The following HOMEZ variants were observed in gnomAD, a reference collection of about 807,000 sequenced individuals.
HOMEZ encodes homeobox and leucine zipper encoding.
A neutral mutation model predicts 50.1 loss-of-function variants in HOMEZ; 20 were observed. That is an observed-to-expected ratio of 0.40 (90% CI 0.28 to 0.58). The LOEUF (loss-of-function observed/expected upper bound fraction) is 0.58, where lower values mean the gene tolerates loss of function less well. Among genes scored for constraint, HOMEZ ranks in the 20% least tolerant of loss-of-function variants. HOMEZ has a pLI of 0.46. For missense variants in HOMEZ, 579 were observed against 680.5 expected, an observed-to-expected ratio of 0.85 and a Z score of 1.66; for synonymous variants, 239 against 254.7, an observed-to-expected ratio of 0.94 and a Z score of 0.59.
At chr14:23,282,243 C>T (rs1055236240) in intron 1 of HOMEZ, among the ~76,000 whole-genome samples, 12 of 152,016 alleles carry the variant, frequency 7.9e-5, no homozygotes, top group African/African-American at 2.9e-4. Context: ...TTCTAGTTAG[C>T]GATGAGGAAA....
chr14:23,274,078 A>G lies in HOMEZ; in HGVS notation c.*1497T>C, dbSNP rs905461676. The G allele has an allele frequency of 6.6e-6, 1 of 152,572 alleles. No individual in the cohort carries two copies. The highest frequency in any genetic ancestry group is 1.5e-5 in the Non-Finnish European group (1 of 68,016). The allele number at this position is 152,572 out of a possible 1,614,324, so 9.5% of individuals were successfully genotyped here. ...CAATTTTATTTTTGGCCTTTTTATT[A>G]TTATTCTAGCATTTTAGGGCTTCCA... On this transcript the variant is annotated 3_prime_UTR_variant, in exon 2 of 2. Transcript: ENST00000357460.
In HOMEZ at chr14:23,276,037, C is replaced by T. The variant is rs1226285974; in HGVS notation, c.1191G>A (p.Arg397=). Residue 397 remains arginine, a synonymous_variant, in exon 2 of 2, where the codon CGG becomes CGA. Coordinates refer to ENST00000357460, the MANE Select transcript of HOMEZ (RefSeq NM_020834.3). The surrounding 1 kb of genome is among the most constrained non-coding windows in gnomAD (Gnocchi z 4.1). The stretch of plus-strand genomic sequence containing the variant: ...CACCAAACCACTGAATGATCTCAGG[C>T]CGAGGTAAACCAGTGATCTGTTCTA... ...QKLEQITGLP[R]PEIIQWFGDT... 1 of 1,613,814 alleles carries T rather than the reference C, an allele frequency of 6.2e-7. No individual in the cohort carries two copies. The highest frequency in any genetic ancestry group is 8.5e-7 in the Non-Finnish European group (1 of 1,179,798).
At position 23,276,540 on chromosome 14, in the gene HOMEZ, T is replaced by C. The variant is rs775700857; in HGVS notation, c.688A>G (p.Lys230Glu). The change falls in exon 2 of 2, where the codon AAG becomes GAG. Residue 230 changes from lysine to glutamate, a missense_variant. Coordinates refer to ENST00000357460, the MANE Select transcript of HOMEZ (RefSeq NM_020834.3). The surrounding 1 kb of genome is among the most constrained non-coding windows in gnomAD (Gnocchi z 4.1). Reference protein sequence around the residue: ...WQHLQSSGLSKEQAGRGPNQS... With the variant: ...WQHLQSSGLSEEQAGRGPNQS... ...TTGGGACCCCTGCCTGCCTGCTCCTTTGAGAGGCCACTGCTTTGAAGATGT... is the reference window on the plus strand; with the variant it reads ...TTGGGACCCCTGCCTGCCTGCTCCTCTGAGAGGCCACTGCTTTGAAGATGT... 2 of 1,613,862 alleles carry C rather than the reference T, an allele frequency of 1.2e-6. No individual in the cohort carries two copies. Among genetic ancestry groups the C allele is most frequent in the African/African-American group, 2.7e-5 (2 of 74,922 alleles).
rs1321749508 is a variant in HOMEZ, at chr14:23,276,971, G to A, written c.257C>T (p.Ala86Val). The A allele has an allele frequency of 6.2e-7, 1 of 1,614,032 alleles. No individual in the cohort carries two copies. The highest frequency in any genetic ancestry group is 1.7e-5 in the Admixed American group (1 of 60,020). ...YFPYPSLADI[A>V]LLCLRYGLQM... The stretch of plus-strand genomic sequence containing the variant: ...CAACCCATAACGTAGGCAGAGAAGG[G>A]CAATGTCTGCTAGGCTGGGATAGGG... The change falls in exon 2 of 2, where the codon GCC (alanine) becomes GTC (valine). Residue 86 changes from alanine to valine, a missense_variant. Transcript: ENST00000357460. The surrounding 1 kb of genome is among the most constrained non-coding windows in gnomAD (Gnocchi z 4.1).
Position 23,285,978 on chromosome 14 carries a change from G to A in HOMEZ, c.-26C>T. 2.4e-6 allele frequency: 3 copies of A among 1,237,246 alleles called. No individual in the cohort carries two copies. Among genetic ancestry groups the A allele is most frequent in the Non-Finnish European group, 3.0e-6 (3 of 984,378 alleles). The allele number at this position is 1,237,246 out of a possible 1,614,324, so 76.6% of individuals were successfully genotyped here. ...GGGCCGGGGGGAAGTGGGGGAGAGGGCAGGGGGCCTCCGAGTGGGAGTGGG... is the reference window on the plus strand; with the variant it reads ...GGGCCGGGGGGAAGTGGGGGAGAGGACAGGGGGCCTCCGAGTGGGAGTGGG... On this transcript the variant is annotated 5_prime_UTR_variant, in exon 1 of 2. Transcript: ENST00000357460.
chr14:23,277,506 C>A (rs1007067363), intron 1 of HOMEZ, among the ~76,000 whole-genome samples: 3 of 152,128 alleles, frequency 2.0e-5, no homozygotes, highest in African/African-American at 4.8e-5. Context: ...GTAATCCCAG[C>A]ACTTCGGGAG....
intron 1 of HOMEZ, among the ~76,000 whole-genome samples, chr14:23,280,190 A>C (rs975394195): frequency 3.9e-5 from 6 of 152,058 alleles, no homozygotes; most frequent in African/African-American, 1.4e-4. Flanking sequence ...CATGGGTCAG[A>C]GATTGGGGAT....
chr14:23,276,440 G>A lies in HOMEZ; in HGVS notation c.788C>T (p.Pro263Leu), dbSNP rs778435299. The change falls in exon 2 of 2, where the codon CCC becomes CTC. Residue 263 changes from proline to leucine, a missense_variant. By Grantham distance (98) the Pro-to-Leu change is moderately conservative (BLOSUM62 -3). Transcript: ENST00000357460. This position sits in a 1 kb window ranked among gnomAD's most constrained non-coding sequence, Gnocchi z 4.1. The stretch of plus-strand genomic sequence containing the variant: ...ACTGGCAATTAATGCAATTGGTGGG[G>A]GTTTATCCCGAGCTTGTGGCTGGGG... ...TVPQPQARDK[P>L]PPIALIASSC... 34 of 1,613,920 alleles carry A rather than the reference G, an allele frequency of 2.1e-5. No individual in the cohort carries two copies. The Admixed American group carries it at 5.5e-4, about 26-fold the overall frequency.
Position 23,275,840 on chromosome 14 carries a change from A to G in HOMEZ, c.1388T>C (p.Ile463Thr). 1 of 1,600,490 alleles carries G rather than the reference A, an allele frequency of 6.2e-7. No individual in the cohort carries two copies. Among genetic ancestry groups the G allele is most frequent in the Non-Finnish European group, 8.5e-7 (1 of 1,172,280 alleles). ...TGCCCAGTACCTCTCCAAGGGTTGT[A>G]TATCCGGTGGGGGTGGAGGGATCGG... ...PLPIPPPPPDIQPLERYWAAH... is the reference protein window; with the variant it reads ...PLPIPPPPPDTQPLERYWAAH... The change falls in exon 2 of 2, where the codon ATA becomes ACA. Residue 463 changes from isoleucine to threonine, a missense_variant. Coordinates refer to ENST00000357460, the MANE Select transcript of HOMEZ (RefSeq NM_020834.3).
chr14:23,280,740 A>ATATT (rs1555323621), intron 1 of HOMEZ, among the ~76,000 whole-genome samples: 1 of 41,264 alleles, frequency 2.4e-5, no homozygotes, highest in African/African-American at 7.9e-5. Context: ...ATTTTATTTT[A>ATATT]TTATTTTATT....
chr14:23,272,894 C>A lies in HOMEZ; in HGVS notation c.*2681G>T, dbSNP rs1019673141. The A allele has an allele frequency of 1.3e-6, 2 of 1,514,694 alleles. No individual in the cohort carries two copies. The highest frequency in any genetic ancestry group is 2.4e-5 in the South Asian group (2 of 81,762). 93.8% of individuals were successfully genotyped at this position (1,514,694 alleles called of 1,614,324 possible). ...AAGCATGGACCACTTCTAGATAGAT[C>A]ATCTTCAAGATCTGATCTATACATG... On this transcript the variant is annotated 3_prime_UTR_variant, in exon 2 of 2. Coordinates refer to ENST00000357460, the MANE Select transcript of HOMEZ (RefSeq NM_020834.3).
intron 1 of HOMEZ, among the ~76,000 whole-genome samples, chr14:23,278,020 G>C (rs1361408783): frequency 6.6e-6 from 1 of 151,972 alleles, no homozygotes; most frequent in Non-Finnish European, 1.5e-5. Flanking sequence ...GTAGAGATGG[G>C]GTTTCACCGT....
Position 23,285,967 on chromosome 14 carries a change from TG to T in HOMEZ, c.-16del, listed in dbSNP as rs1436726725. The T allele has an allele frequency of 8.2e-7, 1 of 1,220,200 alleles. No individual in the cohort carries two copies. 75.6% of individuals were successfully genotyped at this position (1,220,200 alleles called of 1,614,324 possible). On this transcript the variant is annotated 5_prime_UTR_variant, in exon 1 of 2. Coordinates refer to ENST00000357460, the MANE Select transcript of HOMEZ (RefSeq NM_020834.3). ...CCTCGCACCATGGGCCGGGGGGAAG[TG>T]GGGGAGAGGGCAGGGGGCCTCCGAG... is the stretch of plus-strand genomic sequence containing the variant.
At chr14:23,284,563 A>G (rs763065460) in intron 1 of HOMEZ, among the ~76,000 whole-genome samples, 1 of 152,246 alleles carries the variant, frequency 6.6e-6, no homozygotes, top group Non-Finnish European at 1.5e-5. Flanking sequence ...TTCAGTGTCT[A>G]TATAATAATG....
At position 23,272,552 on chromosome 14, in the gene HOMEZ, C is replaced by A; in HGVS notation, c.*3023G>T. On this transcript the variant is annotated 3_prime_UTR_variant, in exon 2 of 2. Coordinates refer to ENST00000357460, the MANE Select transcript of HOMEZ (RefSeq NM_020834.3). ...GGTAGTCATCTCTGGGTGTGGTAGT[C>A]ATATGTCCCAGATTTTCCAAAATAG... is the stretch of plus-strand genomic sequence containing the variant. The A allele has an allele frequency of 2.3e-6, 1 of 441,718 alleles. No individual in the cohort carries two copies. Among genetic ancestry groups the A allele is most frequent in the Non-Finnish European group, 4.1e-6 (1 of 244,264 alleles). 27.4% of individuals were successfully genotyped at this position (441,718 alleles called of 1,614,324 possible).
At position 23,285,985 on chromosome 14, in the gene HOMEZ, G is replaced by C. The variant is rs1351490037; in HGVS notation, c.-33C>G. On this transcript the variant is annotated 5_prime_UTR_variant, in exon 1 of 2. Transcript: ENST00000357460. ...GGGGAAGTGGGGGAGAGGGCAGGGG[G>C]CCTCCGAGTGGGAGTGGGGTTGCTG... 2.4e-6 allele frequency: 3 copies of C among 1,235,182 alleles called. No homozygotes were observed. In the Admixed American group the frequency reaches 1.3e-4, roughly 52 times the overall value. 76.5% of individuals were successfully genotyped at this position (1,235,182 alleles called of 1,614,324 possible). A position where few individuals can be genotyped will look rare whatever the true frequency, so the allele number is the denominator to read the frequency against.
intron 1 of HOMEZ, among the ~76,000 whole-genome samples, chr14:23,281,091 T>C (rs1886545805): frequency 6.6e-6 from 1 of 152,064 alleles, no homozygotes; most frequent in Non-Finnish European, 1.5e-5. Context: ...TTTTAAGTAT[T>C]ACTCCTGATC....
chr14:23,275,805 G>C lies in HOMEZ; in HGVS notation c.1423C>G (p.Gln475Glu), dbSNP rs200974465. 2.1e-3 allele frequency: 3,404 copies of C among 1,610,444 alleles called. 9 individuals are homozygous for C. The highest frequency in any genetic ancestry group is 2.6e-3 in the Non-Finnish European group (3,082 of 1,177,790). ...TGAGGGATATCAGTTTCCCGTAGCT[G>C]TTGGTGGGCTGCCCAGTACCTCTCC... ...PLERYWAAHQ[Q>E]LRETDIPQLS... The change falls in exon 2 of 2, where the codon CAG (glutamine) becomes GAG (glutamate). Residue 475 changes from glutamine (Q) to glutamate (E), a missense_variant. Gln to Glu is a conservative substitution (Grantham distance 29). Coordinates refer to ENST00000357460, the MANE Select transcript of HOMEZ (RefSeq NM_020834.3).
Position 23,273,895 on chromosome 14 carries a change from T to G in HOMEZ, c.*1680A>C, listed in dbSNP as rs1261437794. 3 of 152,682 alleles carry G rather than the reference T, an allele frequency of 2.0e-5. No individual in the cohort carries two copies. Among genetic ancestry groups the G allele is most frequent in the Admixed American group, 1.3e-4 (2 of 15,286 alleles). The allele number at this position is 152,682 out of a possible 1,614,324, so 9.5% of individuals were successfully genotyped here. On this transcript the variant is annotated 3_prime_UTR_variant, in exon 2 of 2. Coordinates refer to ENST00000357460, the MANE Select transcript of HOMEZ (RefSeq NM_020834.3). ...AAACAACCTGGCTGGCGATAGATGC[T>G]GAACTACTTCCTTTTTACAGTTTTT...
Sources: gnomAD v4.1 joint callset for allele counts (sites outside exome capture counted in the v4.1 genomes callset) on GRCh38, gnomAD v4.1.1 for gene constraint, Gnocchi (gnomAD v3.1) non-coding constraint, MANE v1.5 for transcripts, NCBI Gene and HGNC (gene_info 2026-07-23, HGNC 2026-07-21) for gene names.